The following GOLM2 variants were observed in gnomAD, a reference collection of about 807,000 sequenced individuals.
GOLM2 encodes protein GOLM2.
In GOLM2, 26 loss-of-function variants were observed where a neutral mutation model predicts 55.9. The ratio of observed to expected loss-of-function variants is 0.47; its 90% CI spans 0.34 to 0.65. The LOEUF (loss-of-function observed/expected upper bound fraction) is 0.65. GOLM2 is among the 30% of genes least tolerant of loss of function. The pLI is 0.01. For missense variants in GOLM2, 486 were observed against 531.8 expected (o/e 0.91, Z 0.85); for synonymous variants, 165 against 194.6 (o/e 0.85, Z 1.27).
Position 44,310,500 on chromosome 15 carries a change from A to ACC in GOLM2, c.328-12463_328-12462dup, listed in dbSNP as rs1196545463. ...TATATATATATATATACACACACAC[A>ACC]CCCACACACACACACACACACACAC... On this transcript the variant is annotated intron_variant, in intron 1 of 9. Coordinates refer to ENST00000299957, the MANE Select transcript of GOLM2 (RefSeq NM_138423.4). Among the ~76,000 whole-genome samples, 135 of 134,612 alleles carry ACC rather than the reference A, an allele frequency of 1.0e-3. 1 individual carries two copies. The highest frequency in any genetic ancestry group is 3.6e-3 in the African/African-American group (128 of 35,298). The allele number at this position is 134,612 out of a possible 152,430, so 88.3% of individuals were successfully genotyped here. A position where few individuals can be genotyped will look rare whatever the true frequency, so the allele number is the denominator to read the frequency against.
At chr15:44,336,671 C>T (rs1182833194) in intron 4 of GOLM2, among the ~76,000 whole-genome samples, 2 of 151,904 alleles carry the variant, frequency 1.3e-5, no homozygotes, top group Non-Finnish European at 2.9e-5. Context: ...AATCCCAGCA[C>T]TTTGGGAGGC....
At chr15:44,407,136 A>C (rs1383649513) in intron 9 of GOLM2, among the ~76,000 whole-genome samples, 1 of 146,804 alleles carries the variant, frequency 6.8e-6, no homozygotes, top group Non-Finnish European at 1.5e-5. Flanking sequence ...ATAGATATAT[A>C]AATGGTTATA....
intron 1 of GOLM2, among the ~76,000 whole-genome samples, chr15:44,294,588 C>T (rs988901802): frequency 6.6e-6 from 1 of 151,904 alleles, no homozygotes; most frequent in Non-Finnish European, 1.5e-5. Flanking sequence ...GTGGTGCGCA[C>T]CTGTAGTCCC....
intron 1 of GOLM2, among the ~76,000 whole-genome samples, chr15:44,293,308 A>G (rs1161587454): frequency 6.6e-6 from 1 of 152,168 alleles, no homozygotes; most frequent in African/African-American, 2.4e-5. Flanking sequence ...CCTATTATTA[A>G]CATCTTAACA....
At chr15:44,310,162 G>T in intron 1 of GOLM2, among the ~76,000 whole-genome samples, 1 of 152,076 alleles carries the variant, frequency 6.6e-6, no homozygotes, top group East Asian at 1.9e-4. Flanking sequence ...GGGATTACGG[G>T]CGTGAGCTGC....
intron 8 of GOLM2, among the ~76,000 whole-genome samples, chr15:44,398,128 A>G (rs561847995): frequency 5.3e-5 from 8 of 152,204 alleles, no homozygotes; most frequent in Non-Finnish European, 7.3e-5. Context: ...CTCCTACATA[A>G]TGTTCAAACT....
rs1410100406 is a variant in GOLM2 at position 44,288,728 on chromosome 15, C to T, written c.-302C>T. On this transcript the variant is annotated 5_prime_UTR_variant, in exon 1 of 10. Coordinates refer to ENST00000299957, the MANE Select transcript of GOLM2 (RefSeq NM_138423.4). ...CTTTCCGGTTTTTTTCCCCGCCTCC[C>T]AACCGTGAGGTGTTGGGTTTGGGGG... 3 of 411,056 alleles carry T rather than the reference C, an allele frequency of 7.3e-6. No homozygotes were observed. Among genetic ancestry groups the T allele is most frequent in the Non-Finnish European group, 1.3e-5 (3 of 229,376 alleles). 25.5% of individuals were successfully genotyped at this position (411,056 alleles called of 1,614,324 possible). A position where few individuals can be genotyped will look rare whatever the true frequency, so the allele number is the denominator to read the frequency against.
chr15:44,322,884 C>A, intron 1 of GOLM2, 81 bp from the exon 2 acceptor site: 1 of 903,810 alleles, frequency 1.1e-6, no homozygotes, highest in Non-Finnish European at 1.7e-6. Flanking sequence ...CATTTATGAT[C>A]AAGCTCAAAG....
At chr15:44,410,385 C>G (rs557622052) in intron 9 of GOLM2, among the ~76,000 whole-genome samples, 2 of 152,152 alleles carry the variant, frequency 1.3e-5, no homozygotes, top group South Asian at 4.1e-4. Context: ...GAGCTGAGAT[C>G]GCGCCACTGC....
intron 4 of GOLM2, among the ~76,000 whole-genome samples, chr15:44,337,432 T>G (rs1372150632): frequency 6.6e-6 from 1 of 151,998 alleles, no homozygotes; most frequent in African/African-American, 2.4e-5. Flanking sequence ...CCCAGGAAGA[T>G]GCCCAATTTT....
intron 6 of GOLM2, among the ~76,000 whole-genome samples, chr15:44,348,319 C>A (rs1337133283): frequency 1.3e-5 from 2 of 150,560 alleles, no homozygotes; most frequent in Non-Finnish European, 3.0e-5. Flanking sequence ...GAGCCTGTTG[C>A]TCTGAAGGGT....
At position 44,327,563 on chromosome 15, in the gene GOLM2, A is replaced by T. The variant is rs193155871; in HGVS notation, c.383-1122A>T. 6.6e-5 allele frequency among the ~76,000 whole-genome samples: 10 copies of T among 152,118 alleles called. No homozygotes were observed. In the East Asian group the frequency reaches 1.7e-3, roughly 27 times the overall value. ...TGGCTAGATGTTATATTTTAATCTTAATAGCTGTTGCTTATACAGTATAGG... is the reference window on the plus strand; with the variant it reads ...TGGCTAGATGTTATATTTTAATCTTTATAGCTGTTGCTTATACAGTATAGG... On this transcript the variant is annotated intron_variant, in intron 2 of 9. Transcript: ENST00000299957.
intron 2 of GOLM2, among the ~76,000 whole-genome samples, chr15:44,327,013 TA>T (rs1339316666): frequency 6.6e-6 from 1 of 150,580 alleles, no homozygotes; most frequent in Admixed American, 6.6e-5. Flanking sequence ...CACAGTGGCG[TA>T]ATCTCGGCTC....
At chr15:44,349,087 C>T (rs1271071039) in intron 6 of GOLM2, among the ~76,000 whole-genome samples, 1 of 151,684 alleles carries the variant, frequency 6.6e-6, no homozygotes, top group Non-Finnish European at 1.5e-5. Flanking sequence ...TGGAGAAACC[C>T]CGTCTCTACT....
At chr15:44,397,112 G>C (rs1315262726) in intron 8 of GOLM2, among the ~76,000 whole-genome samples, 1 of 152,064 alleles carries the variant, frequency 6.6e-6, no homozygotes, top group African/African-American at 2.4e-5. Context: ...TTGTTACGGA[G>C]CAGCAGAACT....
At chr15:44,359,792 C>T (rs1336016066) in intron 6 of GOLM2, among the ~76,000 whole-genome samples, 3 of 152,150 alleles carry the variant, frequency 2.0e-5, no homozygotes, top group Non-Finnish European at 4.4e-5. Context: ...ATATTAAGGG[C>T]AGCCAGAGAG....
At chr15:44,382,963 C>A (rs911803498) in intron 8 of GOLM2, among the ~76,000 whole-genome samples, 1 of 149,794 alleles carries the variant, frequency 6.7e-6, no homozygotes, top group South Asian at 2.1e-4. Flanking sequence ...GAGTTTTAAA[C>A]CCTCACTCCA....
chr15:44,361,811 C>T lies in GOLM2; in HGVS notation c.803-17879C>T, dbSNP rs553152037. On this transcript the variant is annotated intron_variant, in intron 6 of 9. Transcript: ENST00000299957. Reference sequence around the variant, plus strand: ...AAAAATCCTCAAAATACTGGCAAACCGAATCCAGCAGCACATCAAAAAGCT... The same window carrying T: ...AAAAATCCTCAAAATACTGGCAAACTGAATCCAGCAGCACATCAAAAAGCT... 2.6e-3 allele frequency among the ~76,000 whole-genome samples: 394 copies of T among 152,200 alleles called. 2 individuals carry two copies. Among genetic ancestry groups the T allele is most frequent in the African/African-American group, 8.5e-3 (352 of 41,532 alleles).
At chr15:44,318,947 G>C (rs1033383270) in intron 1 of GOLM2, among the ~76,000 whole-genome samples, 1 of 151,946 alleles carries the variant, frequency 6.6e-6, no homozygotes, top group Admixed American at 6.6e-5. Flanking sequence ...GTTTTGACAC[G>C]TGCCTTGAAT....
Sources: allele counts gnomAD v4.1 joint callset (sites outside exome capture counted in the v4.1 genomes callset), GRCh38; gene constraint gnomAD v4.1.1; transcripts MANE v1.5; gene names NCBI Gene and HGNC (gene_info 2026-07-23, HGNC 2026-07-21).